ADGB: variants seen among roughly 807,000 people sequenced by gnomAD.
ADGB encodes the protein calpain-7-like protein.
In ADGB, 172 loss-of-function variants were observed where a neutral mutation model predicts 210.5. The ratio of observed to expected loss-of-function variants is 0.82; its 90% CI spans 0.72 to 0.93. The LOEUF is 0.93. Among genes scored for constraint, ADGB ranks in the 40% least tolerant of loss-of-function variants. ADGB has a pLI of 0.00. For synonymous variants in ADGB, 658 were observed against 662.7 expected (o/e 0.99, Z 0.11); for missense variants, 2,025 against 1,964.8 (o/e 1.03, Z -0.58).
In ADGB at chr6:146,752,557, A is replaced by G. The variant is rs976203457; in HGVS notation, c.3393A>G (p.Gln1131=). The G allele has an allele frequency of 1.2e-5, 19 of 1,547,910 alleles. No homozygotes were observed. Among genetic ancestry groups the G allele is most frequent in the Non-Finnish European group, 1.7e-5 (19 of 1,145,408 alleles). ...ATTCGGTTAAAGTTCTAACACCACA[A>G]CCTGCTACAATACAGGTACGCACAT... ...FRYSVKVLTP[Q]PATIQVRTSK... Residue 1131 remains glutamine (Q), a synonymous_variant, in exon 27 of 36, where the codon CAA becomes CAG. Transcript: ENST00000397944.
In ADGB at chr6:146,649,434, A is replaced by G. The variant is rs532019641; in HGVS notation, c.330+4569A>G. On this transcript the variant is annotated intron_variant, in intron 3 of 35. Coordinates refer to ENST00000397944, the MANE Select transcript of ADGB (RefSeq NM_024694.4). Reference sequence around the variant, plus strand: ...GCAAAGGCAAACAAACATAAAACTTACCTAGACAAAAATGTATACTGATGA... The same window carrying G: ...GCAAAGGCAAACAAACATAAAACTTGCCTAGACAAAAATGTATACTGATGA... 8.7e-4 allele frequency among the ~76,000 whole-genome samples: 133 copies of G among 152,158 alleles called. 3 individuals carry two copies. In the Middle Eastern group the frequency reaches 0.017, roughly 19 times the overall value.
chr6:146,670,034 G>T (rs1309117755), intron 7 of ADGB, among the ~76,000 whole-genome samples: 1 of 151,796 alleles, frequency 6.6e-6, no homozygotes, highest in African/African-American at 2.4e-5. Context: ...ATCTCTCACT[G>T]GCATCTGTCA....
intron 23 of ADGB, among the ~76,000 whole-genome samples, chr6:146,737,603 G>A (rs1457894331): frequency 6.6e-6 from 1 of 152,154 alleles, no homozygotes; most frequent in African/African-American, 2.4e-5. Context: ...TCCTAAAAGG[G>A]CTACACTTTT....
At chr6:146,733,303 T>A in intron 21 of ADGB, 48 bp downstream of exon 21, 1 of 1,411,396 alleles carries the variant, frequency 7.1e-7, no homozygotes, top group African/African-American at 1.5e-5. Context: ...TAGTTTTAAG[T>A]AAGGTAAATA....
At chr6:146,786,239 A>G (rs1268341620) in intron 32 of ADGB, among the ~76,000 whole-genome samples, 1 of 149,602 alleles carries the variant, frequency 6.7e-6, no homozygotes, top group Non-Finnish European at 1.5e-5. Flanking sequence ...CCAGTTTATC[A>G]ATAAGGACAC....
At chr6:146,719,425 T>C (rs1776784574) in intron 16 of ADGB, among the ~76,000 whole-genome samples, 1 of 140,300 alleles carries the variant, frequency 7.1e-6, no homozygotes, top group African/African-American at 2.8e-5. Flanking sequence ...GACATTCCTT[T>C]TATTTCCCTG....
intron 25 of ADGB, among the ~76,000 whole-genome samples, chr6:146,742,128 T>G (rs1777170654): frequency 6.6e-6 from 1 of 152,158 alleles, no homozygotes; most frequent in Non-Finnish European, 1.5e-5. Context: ...AAAATCCTAA[T>G]AGCTCTTTCA....
Position 146,672,340 on chromosome 6 carries a change from AG to A in ADGB, c.963del (p.Glu323LysfsTer8), listed in dbSNP as rs1776021702. 1 of 1,551,398 alleles carries A rather than the reference AG, an allele frequency of 6.4e-7. No individual in the cohort carries two copies. The highest frequency in any genetic ancestry group is 1.2e-5 in the South Asian group (1 of 84,056). On this transcript the variant is annotated frameshift_variant, in exon 8 of 36. Coordinates refer to ENST00000397944, the MANE Select transcript of ADGB (RefSeq NM_024694.4). LOFTEE classifies it high-confidence loss of function. ...AVLDSKLKEP[G>X]KEGKEGKEIK... ...TGTTAGATTCTAAATTAAAAGAACC[AG>A]GGAAAGAAGGGAAGGAGGGAAAAGA...
chr6:146,665,600 T>G (rs1053417468), intron 6 of ADGB, among the ~76,000 whole-genome samples: 2 of 151,934 alleles, frequency 1.3e-5, no homozygotes, highest in East Asian at 1.9e-4. Context: ...ATAATTGGAG[T>G]GGTATTTTAT....
At chr6:146,697,960 C>G (rs1185762650) in intron 12 of ADGB, among the ~76,000 whole-genome samples, 4 of 151,992 alleles carry the variant, frequency 2.6e-5, no homozygotes, top group Admixed American at 2.6e-4. Context: ...AAAATTTAGA[C>G]CAAAGAAGTC....
chr6:146,800,470 G>C (rs1202977267), intron 33 of ADGB, among the ~76,000 whole-genome samples: 1 of 152,122 alleles, frequency 6.6e-6, no homozygotes, highest in Non-Finnish European at 1.5e-5. Context: ...AATTTACTAA[G>C]AAGTATTGAA....
intron 12 of ADGB, among the ~76,000 whole-genome samples, chr6:146,697,660 C>T (rs763267899): frequency 2.0e-5 from 3 of 152,082 alleles, no homozygotes; most frequent in African/African-American, 2.4e-5. Flanking sequence ...CTATGAGACA[C>T]GTTGAACATG....
intron 29 of ADGB, among the ~76,000 whole-genome samples, chr6:146,773,491 C>G (rs1032900195): frequency 6.6e-6 from 1 of 151,988 alleles, no homozygotes; most frequent in African/African-American, 2.4e-5. Flanking sequence ...TCTGGAGAGA[C>G]CTAGAAGTTT....
At chr6:146,693,746 G>A (rs972781128) in intron 12 of ADGB, among the ~76,000 whole-genome samples, 6 of 151,990 alleles carry the variant, frequency 3.9e-5, no homozygotes, top group East Asian at 1.9e-4. Flanking sequence ...GAGAAGCCAC[G>A]CCGCACTTTC....
intron 23 of ADGB, among the ~76,000 whole-genome samples, chr6:146,737,688 G>A (rs918209958): frequency 6.6e-6 from 1 of 152,134 alleles, no homozygotes; most frequent in Non-Finnish European, 1.5e-5. Context: ...GTATTTTGGG[G>A]CTACCAGGAG....
At position 146,788,545 on chromosome 6, in the gene ADGB, A is replaced by G. The variant is rs1777913200; in HGVS notation, c.4472A>G (p.Glu1491Gly). ...GATGTGGCAAAATCCACGAGTAGCG[A>G]AAGTGGAGGAGTGTCTTCACCAGGG... Reference protein sequence around the residue: ...LRDVAKSTSSESGGVSSPGKE... With the variant: ...LRDVAKSTSSGSGGVSSPGKE... Residue 1491 changes from glutamate (E) to glycine (G), a missense_variant, in exon 33 of 36, where the codon GAA (glutamate) becomes GGA (glycine). Glu to Gly is a moderately conservative substitution (Grantham distance 98, BLOSUM62 -2). Coordinates refer to ENST00000397944, the MANE Select transcript of ADGB (RefSeq NM_024694.4). The G allele has an allele frequency of 6.4e-6, 10 of 1,551,576 alleles. No homozygotes were observed. The highest frequency in any genetic ancestry group is 8.7e-6 in the Non-Finnish European group (10 of 1,146,930).
chr6:146,604,493 AGTGGGTGGAGGC>A (rs1780605085), intron 1 of ADGB, among the ~76,000 whole-genome samples: 1 of 151,392 alleles, frequency 6.6e-6, no homozygotes, highest in African/African-American at 2.4e-5. Context: ...TCTCCCTGGG[AGTGGGTGGAGGC>A]AGCCAGGGCT....
rs780139867 is a variant in ADGB, at chr6:146,692,893, C to G, written c.1555C>G (p.Pro519Ala). The change falls in exon 12 of 36, where the codon CCA becomes GCA. Residue 519 changes from proline to alanine, a missense_variant. Pro to Ala is a conservative substitution (Grantham distance 27). Coordinates refer to ENST00000397944, the MANE Select transcript of ADGB (RefSeq NM_024694.4). ...SSPFLNYRMT[P>A]FTIPTEMHFV... ...TCCATTTTTGAATTATAGAATGACT[C>G]CATTTACAATTCCAACAGAAATGTA... 6.5e-7 allele frequency: 1 copy of G among 1,528,610 alleles called. No homozygotes were observed. Among genetic ancestry groups the G allele is most frequent in the South Asian group, 1.2e-5 (1 of 82,308 alleles). 94.7% of individuals were successfully genotyped at this position (1,528,610 alleles called of 1,614,324 possible). A position where few individuals can be genotyped will look rare whatever the true frequency, so the allele number is the denominator to read the frequency against.
chr6:146,669,636 A>G (rs541525289), intron 7 of ADGB, among the ~76,000 whole-genome samples: 17 of 151,632 alleles, frequency 1.1e-4, no homozygotes, highest in Admixed American at 2.0e-4. Context: ...TCTCCTTCTT[A>G]TTTTCTGCTC....
Sources: gnomAD v4.1 joint callset for allele counts (sites outside exome capture counted in the v4.1 genomes callset) on GRCh38, gnomAD v4.1.1 for gene constraint, MANE v1.5 for transcripts, NCBI Gene and HGNC (gene_info 2026-07-23, HGNC 2026-07-21) for gene names.